THEMIS: variants seen among roughly 807,000 people sequenced by gnomAD.
The protein encoded by THEMIS is thymocyte selection associated.
Under a neutral mutation model 52.6 loss-of-function variants are expected in THEMIS, and 37 were observed. The observed-to-expected ratio is 0.70, with a 90% CI of 0.54 to 0.93. The LOEUF is 0.93. THEMIS is among the 40% of genes least tolerant of loss of function. The probability of loss-of-function intolerance (pLI) is 0.00; values close to 1 mark genes in which losing one functional copy is unlikely to be tolerated. For missense variants in THEMIS, 808 were observed against 763.1 expected (o/e 1.06, Z -0.69); for synonymous variants, 292 against 272.7 (o/e 1.07, Z -0.70).
At position 127,771,360 on chromosome 6, in the gene THEMIS, T is replaced by C. The variant is rs144708211; in HGVS notation, c.1758+41523A>G. On this transcript the variant is annotated intron_variant, in intron 4 of 5. Transcript: ENST00000368248. ...TGCTCAAGGTAATTTATAGATTCAATGCCATCCCCATTAAGCTACCAATGA... is the reference window on the plus strand; with the variant it reads ...TGCTCAAGGTAATTTATAGATTCAACGCCATCCCCATTAAGCTACCAATGA... 3.4e-3 allele frequency among the ~76,000 whole-genome samples: 517 copies of C among 152,194 alleles called. 3 individuals are homozygous for C. Among genetic ancestry groups the C allele is most frequent in the African/African-American group, 0.012 (480 of 41,526 alleles).
At chr6:127,891,057 A>G (rs925953648) in intron 1 of THEMIS, among the ~76,000 whole-genome samples, 1 of 152,090 alleles carries the variant, frequency 6.6e-6, no homozygotes, top group African/African-American at 2.4e-5. Context: ...TGAGTAATAG[A>G]TATTTATATT....
At chr6:127,703,035 G>GGTGTTTTT in the THEMIS span, among the ~76,000 whole-genome samples, 1 of 82,352 alleles carries the variant, frequency 1.2e-5, no homozygotes, top group Non-Finnish European at 2.1e-5. Context: ...TTTAGAATGA[G>GGTGTTTTT]TTTTTTTTTT....
At chr6:127,758,894 T>G (rs1297164193) in intron 4 of THEMIS, among the ~76,000 whole-genome samples, 1 of 152,170 alleles carries the variant, frequency 6.6e-6, no homozygotes, top group Non-Finnish European at 1.5e-5. Flanking sequence ...TTGTGTAATT[T>G]AAGCCAGTTA....
downstream of THEMIS, among the ~76,000 whole-genome samples, chr6:127,705,949 T>C (rs1013473105): frequency 6.6e-6 from 1 of 152,156 alleles, no homozygotes; most frequent in Admixed American, 6.5e-5. Context: ...CATGTATTTA[T>C]CTAGATCCTT....
At chr6:127,889,336 C>A (rs1369421337) in intron 1 of THEMIS, among the ~76,000 whole-genome samples, 3 of 152,060 alleles carry the variant, frequency 2.0e-5, no homozygotes, top group Non-Finnish European at 4.4e-5. Context: ...AGATGAACAC[C>A]ATTTTTTTCC....
chr6:127,727,027 G>T (rs997251442), intron 4 of THEMIS, among the ~76,000 whole-genome samples: 2 of 152,168 alleles, frequency 1.3e-5, no homozygotes, highest in Admixed American at 6.6e-5. Flanking sequence ...TGTCACTCCA[G>T]ATATTGGACA....
At chr6:127,882,097 A>G (rs775794453) in intron 1 of THEMIS, among the ~76,000 whole-genome samples, 4 of 151,508 alleles carry the variant, frequency 2.6e-5, no homozygotes, top group African/African-American at 4.8e-5. Context: ...CTATCTTTGC[A>G]TAGACTCCCA....
chr6:127,803,500 A>G (rs1370058974), intron 4 of THEMIS, among the ~76,000 whole-genome samples: 1 of 152,078 alleles, frequency 6.6e-6, no homozygotes, highest in Non-Finnish European at 1.5e-5. Flanking sequence ...ATACATCCCT[A>G]TCTACCTTAA....
chr6:127,778,831 A>AT (rs58524604), intron 4 of THEMIS, among the ~76,000 whole-genome samples: 1,773 of 142,238 alleles, frequency 0.012, 14 homozygotes, highest in East Asian at 0.045. Flanking sequence ...CTCAAGTGGA[A>AT]TTTTTTTTTT....
At chr6:127,865,120 C>T (rs933164896) in intron 1 of THEMIS, among the ~76,000 whole-genome samples, 1 of 152,048 alleles carries the variant, frequency 6.6e-6, no homozygotes, top group Non-Finnish European at 1.5e-5. Context: ...ACACAACTGA[C>T]CTTAACTACT....
chr6:127,899,786 A>G (rs898022099), intron 1 of THEMIS, among the ~76,000 whole-genome samples: 43 of 151,586 alleles, frequency 2.8e-4, no homozygotes, highest in African/African-American at 1.0e-3. Context: ...ATGATTATAC[A>G]CGGCAAAACA....
chr6:127,749,985 C>A lies in THEMIS; in HGVS notation c.1759-30162G>T, dbSNP rs547366839. ...TAAAAAGTCATTCCTAACCACTGCT[C>A]ATTTCTGTATAGAATGGGGACACTG... is the stretch of plus-strand genomic sequence containing the variant. On this transcript the variant is annotated intron_variant, in intron 4 of 5. Transcript: ENST00000368248. 2.0e-5 allele frequency among the ~76,000 whole-genome samples: 3 copies of A among 147,900 alleles called. No individual in the cohort carries two copies. The South Asian group carries it at 6.6e-4, about 33-fold the overall frequency.
intron 1 of THEMIS, among the ~76,000 whole-genome samples, chr6:127,893,218 C>T (rs1191635171): frequency 3.3e-5 from 5 of 151,886 alleles, no homozygotes; most frequent in African/African-American, 1.2e-4. Flanking sequence ...TCTTCATATT[C>T]AATTTATGTT....
upstream of THEMIS, among the ~76,000 whole-genome samples, chr6:127,901,633 A>G (rs186293473): frequency 7.5e-4 from 114 of 152,202 alleles, no homozygotes; most frequent in Middle Eastern, 3.4e-3. Flanking sequence ...AAAGTACATT[A>G]AAATGAGTTT....
intron 4 of THEMIS, among the ~76,000 whole-genome samples, chr6:127,746,811 TATA>T (rs1488424307): frequency 5.1e-5 from 2 of 38,844 alleles, no homozygotes; most frequent in Non-Finnish European, 7.8e-5. Context: ...TTATATTATA[TATA>T]ATTATATATT....
intron 1 of THEMIS, among the ~76,000 whole-genome samples, chr6:127,888,018 A>G (rs1170654087): frequency 5.3e-5 from 8 of 152,130 alleles, no homozygotes; most frequent in Non-Finnish European, 5.9e-5. Flanking sequence ...TTGCAAGAAT[A>G]AAGAGGCAGC....
At chr6:127,711,302 T>A (rs1773973558) in intron 5 of THEMIS, among the ~76,000 whole-genome samples, 1 of 151,982 alleles carries the variant, frequency 6.6e-6, no homozygotes, top group Admixed American at 6.6e-5. Flanking sequence ...GCGATTTTCA[T>A]GATGTGTGTG....
chr6:127,864,281 A>G (rs2114349677), intron 1 of THEMIS, among the ~76,000 whole-genome samples: 1 of 152,144 alleles, frequency 6.6e-6, no homozygotes, highest in East Asian at 1.9e-4. Context: ...AAAGAGAAAA[A>G]ATAAAGCATA....
chr6:127,904,886 A>G (rs1294695841), upstream of THEMIS, among the ~76,000 whole-genome samples: 2 of 152,078 alleles, frequency 1.3e-5, no homozygotes, highest in Non-Finnish European at 2.9e-5. Context: ...AATGGGACAT[A>G]CAGTAAGAGA....
Sources: gnomAD v4.1 joint callset for allele counts (sites outside exome capture counted in the v4.1 genomes callset) on GRCh38, gnomAD v4.1.1 for gene constraint, MANE v1.5 for transcripts, NCBI Gene and HGNC (gene_info 2026-07-23, HGNC 2026-07-21) for gene names.